The following EVL variants were observed in gnomAD, a reference collection of about 807,000 sequenced individuals.
EVL encodes the protein Enah/Vasp-like.
A neutral mutation model predicts 59.6 loss-of-function variants in EVL; 21 were observed. That is an observed-to-expected ratio of 0.35 (90% CI 0.25 to 0.51). The LOEUF is 0.51. Among genes scored for constraint, EVL ranks in the 20% least tolerant of loss-of-function variants. The pLI is 0.97. For synonymous variants in EVL, 198 were observed against 203.5 expected, an observed-to-expected ratio of 0.97 and a Z score of 0.23; for missense variants, 462 against 546.6, an observed-to-expected ratio of 0.85 and a Z score of 1.54.
intron 1 of EVL, among the ~76,000 whole-genome samples, chr14:100,057,386 A>G (rs1421836596): frequency 6.6e-6 from 1 of 152,210 alleles, no homozygotes. Context: ...CTCAGCTGAC[A>G]TCGGGGTTTC....
intron 1 of EVL, among the ~76,000 whole-genome samples, chr14:99,987,713 AG>A (rs929550970): frequency 2.6e-5 from 4 of 152,110 alleles, no homozygotes; most frequent in African/African-American, 9.7e-5. Context: ...CTAGCATGTG[AG>A]GATGCAGCAA....
chr14:100,003,950 A>C (rs2060962352), intron 1 of EVL, among the ~76,000 whole-genome samples: 1 of 152,194 alleles, frequency 6.6e-6, no homozygotes, highest in African/African-American at 2.4e-5. Flanking sequence ...CACACCTATA[A>C]TCCCAGCACT....
chr14:100,106,664 G>A, intron 3 of EVL: 1 of 396,780 alleles, frequency 2.5e-6, no homozygotes, highest in Non-Finnish European at 4.4e-6. Context: ...GATAATGCAA[G>A]GATCATTACA....
At chr14:100,088,044 G>A (rs1040532705) in intron 2 of EVL, among the ~76,000 whole-genome samples, 7 of 152,234 alleles carry the variant, frequency 4.6e-5, no homozygotes, top group African/African-American at 1.7e-4. Context: ...CCGGAGAACA[G>A]ACCTAGGAAT....
At chr14:100,128,805 G>T in intron 6 of EVL, 57 bp downstream of exon 6, 1 of 1,467,536 alleles carries the variant, frequency 6.8e-7, no homozygotes, top group South Asian at 1.1e-5. Context: ...TGTGCCATCT[G>T]CAGAGCGCTT....
At chr14:99,987,937 G>A (rs924546265) in intron 1 of EVL, among the ~76,000 whole-genome samples, 19 of 122,264 alleles carry the variant, frequency 1.6e-4, no homozygotes, top group Admixed American at 8.3e-4. Context: ...TTTTTGAGAC[G>A]GAGTTTCACT....
At chr14:100,087,222 T>C (rs1190099975) in intron 2 of EVL, among the ~76,000 whole-genome samples, 1 of 152,150 alleles carries the variant, frequency 6.6e-6, no homozygotes, top group Non-Finnish European at 1.5e-5. Context: ...ATGGAGAAAA[T>C]ATATAGTAAG....
At position 99,999,961 on chromosome 14, in the gene EVL, G is replaced by T. The variant is rs1161404979; in HGVS notation, c.5+27904G>T. On this transcript the variant is annotated intron_variant, in intron 1 of 13. Coordinates refer to the EVL transcript ENST00000402714. ...TCACAGCCATTTGAAGCCTTTAGAA[G>T]TGCTTTTTGTTTGCTTGCTTAACTG... Among the ~76,000 whole-genome samples the T allele has an allele frequency of 3.9e-5, 6 of 152,306 alleles. No homozygotes were observed. The East Asian group carries it at 7.7e-4, about 20-fold the overall frequency.
intron 11 of EVL, chr14:100,138,634 G>A: frequency 6.5e-6 from 1 of 152,926 alleles, no homozygotes; most frequent in Non-Finnish European, 1.5e-5. Flanking sequence ...TTAGCAGTCA[G>A]CTGGGGTTTG....
intron 1 of EVL, among the ~76,000 whole-genome samples, chr14:100,031,177 G>A (rs2061309328): frequency 6.6e-6 from 1 of 152,182 alleles, no homozygotes. Context: ...AAGGCCCATT[G>A]CAATCTAAAG....
rs1350433428 is a variant in EVL, at chr14:100,129,514, G to T, written c.718-49G>T. On this transcript the variant is annotated intron_variant, in intron 6 of 13. Coordinates refer to ENST00000392920, the MANE Select transcript of EVL (RefSeq NM_016337.3). ...ATCCCCTCACATCGTTGCTGCTCCT[G>T]TTCTGCCATCAGCAGCAGAATCTAA... 4 of 1,610,026 alleles carry T rather than the reference G, an allele frequency of 2.5e-6. No homozygotes were observed. The South Asian group carries it at 4.4e-5, about 18-fold the overall frequency.
intron 1 of EVL, among the ~76,000 whole-genome samples, chr14:99,996,258 A>G (rs1245930626): frequency 6.6e-6 from 1 of 151,646 alleles, no homozygotes; most frequent in Non-Finnish European, 1.5e-5. Flanking sequence ...TCTTCTTGGC[A>G]TACTTGGGGT....
At chr14:100,123,420 A>T in intron 3 of EVL, 119 bp from the exon 4 acceptor site, 1 of 943,846 alleles carries the variant, frequency 1.1e-6, no homozygotes, top group Non-Finnish European at 1.6e-6. Context: ...ATTTAAAAAG[A>T]TTCTTAAGGA....
At chr14:100,034,396 A>G (rs1369831792) in intron 1 of EVL, among the ~76,000 whole-genome samples, 2 of 152,174 alleles carry the variant, frequency 1.3e-5, no homozygotes, top group African/African-American at 2.4e-5. Context: ...CTTAATTTTG[A>G]GTTTACATTC....
intron 1 of EVL, among the ~76,000 whole-genome samples, chr14:100,081,851 G>A (rs757943887): frequency 3.3e-5 from 5 of 152,334 alleles, no homozygotes; most frequent in South Asian, 2.1e-4. Context: ...TGTAATCCCA[G>A]CACTTTGGGA....
chr14:100,010,234 G>A (rs969616897), intron 1 of EVL, among the ~76,000 whole-genome samples: 2 of 152,174 alleles, frequency 1.3e-5, no homozygotes, highest in African/African-American at 4.8e-5. Flanking sequence ...TGTTATGCCA[G>A]AGTCACTCAG....
chr14:100,039,495 C>T (rs2140230719), intron 1 of EVL, among the ~76,000 whole-genome samples: 1 of 152,292 alleles, frequency 6.6e-6, no homozygotes, highest in Non-Finnish European at 1.5e-5. Flanking sequence ...CCTCAGCCTC[C>T]CAAAGTGCTG....
chr14:100,022,220 A>G (rs1368357474), intron 1 of EVL, among the ~76,000 whole-genome samples: 1 of 151,252 alleles, frequency 6.6e-6, no homozygotes, highest in African/African-American at 2.4e-5. Context: ...GTTTGTGGAC[A>G]CGCTCCTCCA....
At chr14:100,029,027 T>G (rs2061267640) in intron 1 of EVL, among the ~76,000 whole-genome samples, 2 of 152,228 alleles carry the variant, frequency 1.3e-5, no homozygotes, top group Admixed American at 6.5e-5. Context: ...GTGTATAAAT[T>G]ATAAAACATT....
Sources: gnomAD v4.1 joint callset for allele counts (sites outside exome capture counted in the v4.1 genomes callset) on GRCh38, gnomAD v4.1.1 for gene constraint, MANE v1.5 for transcripts, NCBI Gene and HGNC (gene_info 2026-07-23, HGNC 2026-07-21) for gene names.